The following PLA2G2E variants were observed in gnomAD, a reference collection of about 807,000 sequenced individuals.
PLA2G2E encodes phospholipase A2 group IIE.
PLA2G2E carries 14 observed loss-of-function variants against 16.5 expected under a neutral mutation model. The ratio of observed to expected loss-of-function variants is 0.85; its 90% confidence interval spans 0.56 to 1.33. The LOEUF is 1.33. PLA2G2E is among the 40% of genes most tolerant of loss of function. PLA2G2E has a pLI of 0.00. For missense variants in PLA2G2E, 174 were observed against 190.7 expected (o/e 0.91, Z 0.52); for synonymous variants, 72 against 77.2 (o/e 0.93, Z 0.36).
chr1:19,920,266 A>G lies in PLA2G2E; in HGVS notation c.*41T>C. 6.3e-7 allele frequency: 1 copy of G among 1,582,472 alleles called. No individual in the cohort carries two copies. The highest frequency in any genetic ancestry group is 2.2e-5 in the East Asian group (1 of 44,544). ...CCAGGCCTGGGACTACAGCAGCCCG[A>G]GGCGGGACCTCCAGGGACGGGGGGG... On this transcript the variant is annotated 3_prime_UTR_variant, in exon 4 of 4. Transcript: ENST00000375116. The surrounding 1 kb of genome is among the most constrained non-coding windows in gnomAD (Gnocchi z 4.3).
At position 19,920,484 on chromosome 1, in the gene PLA2G2E, G is replaced by C; in HGVS notation, c.287-35C>G. ...ACAAAGTGAGTCAGGGACCACAGAA[G>C]CTCAGGATATGTGTGGGACAGCTCT... On this transcript the variant is annotated intron_variant, in intron 3 of 3. Transcript: ENST00000375116. The surrounding 1 kb of genome is among the most constrained non-coding windows in gnomAD (Gnocchi z 4.3). 2 of 1,607,416 alleles carry C rather than the reference G, an allele frequency of 1.2e-6. No homozygotes were observed. Among genetic ancestry groups the C allele is most frequent in the Non-Finnish European group, 1.7e-6 (2 of 1,177,430 alleles).
chr1:19,921,401 T>A (rs901431613), intron 3 of PLA2G2E, among the ~76,000 whole-genome samples: 2 of 152,194 alleles, frequency 1.3e-5, no homozygotes, highest in African/African-American at 2.4e-5. Flanking sequence ...TTGTCCAAAG[T>A]CACAGGCAGG....
At chr1:19,923,383 C>G (rs749061898) in intron 1 of PLA2G2E, 137 bp downstream of exon 1, 2 of 730,926 alleles carry the variant, frequency 2.7e-6, no homozygotes, top group Non-Finnish European at 4.5e-6. Flanking sequence ...GCCTCAGGGT[C>G]ACCCTGGTGG....
chr1:19,921,733 C>G (rs1234600739), intron 3 of PLA2G2E, among the ~76,000 whole-genome samples: 3 of 152,226 alleles, frequency 2.0e-5, no homozygotes, highest in Admixed American at 6.5e-5. Flanking sequence ...GCTTGGCTCT[C>G]TCATGTGGGG....
At position 19,920,699 on chromosome 1, in the gene PLA2G2E, C is replaced by T. The variant is rs1212203635; in HGVS notation, c.287-250G>A. ...GCTCTCCCAAGCCCACGCTGACTGCCCTTAGCTCTCTCCGGCCTTAGGGAC... is the reference window on the plus strand; with the variant it reads ...GCTCTCCCAAGCCCACGCTGACTGCTCTTAGCTCTCTCCGGCCTTAGGGAC... On this transcript the variant is annotated intron_variant, in intron 3 of 3. Coordinates refer to ENST00000375116, the MANE Select transcript of PLA2G2E (RefSeq NM_014589.3). This position sits in a 1 kb window ranked among gnomAD's most constrained non-coding sequence, Gnocchi z 4.3. Among the ~76,000 whole-genome samples, 1 of 152,146 alleles carries T rather than the reference C, an allele frequency of 6.6e-6. No individual in the cohort carries two copies. The highest frequency in any genetic ancestry group is 1.5e-5 in the Non-Finnish European group (1 of 68,018).
At chr1:19,921,770 G>T (rs540950302) in intron 3 of PLA2G2E, among the ~76,000 whole-genome samples, 1 of 152,360 alleles carries the variant, frequency 6.6e-6, no homozygotes, top group South Asian at 2.1e-4. Context: ...CTTGGTTGAG[G>T]CTGCTTGCCT....
At chr1:19,921,422 C>T (rs1395094140) in intron 3 of PLA2G2E, among the ~76,000 whole-genome samples, 2 of 152,196 alleles carry the variant, frequency 1.3e-5, no homozygotes, top group Admixed American at 6.5e-5. Flanking sequence ...TGGAAGGTGA[C>T]GCCCTGGGTA....
chr1:19,920,854 G>A lies in PLA2G2E; in HGVS notation c.287-405C>T, dbSNP rs1396429882. On this transcript the variant is annotated intron_variant, in intron 3 of 3. Coordinates refer to ENST00000375116, the MANE Select transcript of PLA2G2E (RefSeq NM_014589.3). The surrounding 1 kb of genome is among the most constrained non-coding windows in gnomAD (Gnocchi z 4.3). ...CAGAGAGGACAGCTACGAAATGACA[G>A]CAACTCAATCTGATGGCTATGTGTG... is the stretch of plus-strand genomic sequence containing the variant. 1.3e-5 allele frequency among the ~76,000 whole-genome samples: 2 copies of A among 152,206 alleles called. No homozygotes were observed. Among genetic ancestry groups the A allele is most frequent in the African/African-American group, 4.8e-5 (2 of 41,446 alleles).
rs777548405 is a variant in PLA2G2E at position 19,920,384 on chromosome 1, G to A, written c.352C>T (p.Arg118Cys). The change falls in exon 4 of 4, where the codon CGC becomes TGC. Residue 118 changes from arginine (R) to cysteine (C), a missense_variant. Arg to Cys is a radical substitution (Grantham distance 180). Coordinates refer to ENST00000375116, the MANE Select transcript of PLA2G2E (RefSeq NM_014589.3). The surrounding 1 kb of genome is among the most constrained non-coding windows in gnomAD (Gnocchi z 4.3). Reference protein sequence around the residue: ...CDKRAALCFRRNLGTYNRKYA... With the variant: ...CDKRAALCFRCNLGTYNRKYA... ...TTGCGGTTGTAGGTGCCCAGGTTGC[G>A]GCGAAAGCAGAGGGCAGCCCTCTTG... is the stretch of plus-strand genomic sequence containing the variant. The A allele has an allele frequency of 1.2e-5, 20 of 1,613,752 alleles. No individual in the cohort carries two copies. The highest frequency in any genetic ancestry group is 1.4e-5 in the Non-Finnish European group (17 of 1,179,836).
chr1:19,920,811 C>T lies in PLA2G2E; in HGVS notation c.287-362G>A, dbSNP rs1157490182. ...CCCCTGTGTGATGCGTTGCTGATGG[C>T]GGATTGTGGCCATCAAGCAGAGAGG... On this transcript the variant is annotated intron_variant, in intron 3 of 3. Transcript: ENST00000375116. The surrounding 1 kb of genome is among the most constrained non-coding windows in gnomAD (Gnocchi z 4.3). Among the ~76,000 whole-genome samples, 1 of 152,136 alleles carries T rather than the reference C, an allele frequency of 6.6e-6. No homozygotes were observed. The highest frequency in any genetic ancestry group is 2.4e-5 in the African/African-American group (1 of 41,430).
rs1571198082 is a variant in PLA2G2E, at chr1:19,920,988, C to T, written c.287-539G>A. Among the ~76,000 whole-genome samples, 2 of 152,214 alleles carry T rather than the reference C, an allele frequency of 1.3e-5. No homozygotes were observed. Among genetic ancestry groups the T allele is most frequent in the Admixed American group, 1.3e-4 (2 of 15,288 alleles). The stretch of plus-strand genomic sequence containing the variant: ...AGTGGACAGAGCCCAGTTTTCTGCC[C>T]ATACCCAGCCTGGGAGTCAGACTTC... On this transcript the variant is annotated intron_variant, in intron 3 of 3. Coordinates refer to ENST00000375116, the MANE Select transcript of PLA2G2E (RefSeq NM_014589.3). This position sits in a 1 kb window ranked among gnomAD's most constrained non-coding sequence, Gnocchi z 4.3.
intron 1 of PLA2G2E, among the ~76,000 whole-genome samples, 154 bp from the exon 2 acceptor site, chr1:19,922,909 A>G (rs1321959376): frequency 6.6e-6 from 1 of 152,070 alleles, no homozygotes; most frequent in Non-Finnish European, 1.5e-5. Context: ...CAACCGTGGT[A>G]ATAAGTAATA....
Position 19,920,869 on chromosome 1 carries a change from G to A in PLA2G2E, c.287-420C>T, listed in dbSNP as rs1306355417. Among the ~76,000 whole-genome samples, 1 of 152,194 alleles carries A rather than the reference G, an allele frequency of 6.6e-6. No individual in the cohort carries two copies. The highest frequency in any genetic ancestry group is 6.5e-5 in the Admixed American group (1 of 15,286). On this transcript the variant is annotated intron_variant, in intron 3 of 3. Coordinates refer to ENST00000375116, the MANE Select transcript of PLA2G2E (RefSeq NM_014589.3). This position sits in a 1 kb window ranked among gnomAD's most constrained non-coding sequence, Gnocchi z 4.3. ...CGAAATGACAGCAACTCAATCTGAT[G>A]GCTATGTGTGCCCCAGAGTGGCGTG...
rs887592251 is a variant in PLA2G2E at position 19,920,188 on chromosome 1, G to A, written c.*119C>T. On this transcript the variant is annotated 3_prime_UTR_variant, in exon 4 of 4. Transcript: ENST00000375116. The surrounding 1 kb of genome is among the most constrained non-coding windows in gnomAD (Gnocchi z 4.3). The stretch of plus-strand genomic sequence containing the variant: ...TATCTCTGAGCTCTCAAGGAGGGAT[G>A]AGTTTGCAGGAAAGGAATTTTCCAA... 2 of 799,752 alleles carry A rather than the reference G, an allele frequency of 2.5e-6. No homozygotes were observed. The highest frequency in any genetic ancestry group is 1.7e-5 in the African/African-American group (1 of 58,282). 49.5% of individuals were successfully genotyped at this position (799,752 alleles called of 1,614,324 possible).
chr1:19,923,449 G>T (rs542458337), intron 1 of PLA2G2E, 71 bp downstream of exon 1: 3 of 1,351,128 alleles, frequency 2.2e-6, no homozygotes, highest in Non-Finnish European at 3.1e-6. Context: ...GTAGGGCCAG[G>T]CTCAGGGGCA....
chr1:19,922,349 G>T lies in PLA2G2E; in HGVS notation c.235C>A (p.Pro79Thr). 1 of 1,614,022 alleles carries T rather than the reference G, an allele frequency of 6.2e-7. No homozygotes were observed. Among genetic ancestry groups the T allele is most frequent in the Non-Finnish European group, 8.5e-7 (1 of 1,179,944 alleles). The stretch of plus-strand genomic sequence containing the variant: ...GAGAAAAGATACTTTTCCAGTTTGG[G>T]CTCACAGCCCAGCTTCTCCAGACGC... ...YGRLEKLGCE[P>T]KLEKYLFSVS... Residue 79 changes from proline (P) to threonine (T), a missense_variant, in exon 3 of 4, where the codon CCC (proline) becomes ACC (threonine). By Grantham distance (38) the Pro-to-Thr change is conservative. Transcript: ENST00000375116.
rs147846234 is a variant in PLA2G2E, at chr1:19,920,428, C to T, written c.308G>A (p.Arg103Gln). 4.3e-6 allele frequency: 7 copies of T among 1,613,696 alleles called. No homozygotes were observed. The highest frequency in any genetic ancestry group is 2.7e-5 in the African/African-American group (2 of 74,934). Residue 103 changes from arginine (R) to glutamine (Q), a missense_variant, in exon 4 of 4, where the codon CGG (arginine) becomes CAG (glutamine). Transcript: ENST00000375116. This position sits in a 1 kb window ranked among gnomAD's most constrained non-coding sequence, Gnocchi z 4.3. ...CCTCTTGTCACACTCGCAGGTCAGC[C>T]GCTGGCAGGTGGTCCTGCCGGCTGG... ...IFCAGRTTCQ[R>Q]LTCECDKRAA...
rs762498788 is a variant in PLA2G2E at position 19,920,725 on chromosome 1, A to G, written c.287-276T>C. Among the ~76,000 whole-genome samples the G allele has an allele frequency of 7.2e-5, 11 of 152,118 alleles. No homozygotes were observed. The highest frequency in any genetic ancestry group is 1.5e-4 in the Non-Finnish European group (10 of 68,014). On this transcript the variant is annotated intron_variant, in intron 3 of 3. Coordinates refer to ENST00000375116, the MANE Select transcript of PLA2G2E (RefSeq NM_014589.3). The surrounding 1 kb of genome is among the most constrained non-coding windows in gnomAD (Gnocchi z 4.3). ...CTTAGCTCTCTCCGGCCTTAGGGAC[A>G]CCACGTGGTTCCCTAACTCTCACTG... is the stretch of plus-strand genomic sequence containing the variant.
At chr1:19,923,259 G>A (rs1226291315) in intron 1 of PLA2G2E, among the ~76,000 whole-genome samples, 3 of 152,226 alleles carry the variant, frequency 2.0e-5, no homozygotes, top group Admixed American at 6.5e-5. Flanking sequence ...GATAGGAGAA[G>A]GAGCCTAGGG....
Sources: gnomAD v4.1 joint callset for allele counts (sites outside exome capture counted in the v4.1 genomes callset) on GRCh38, gnomAD v4.1.1 for gene constraint, Gnocchi (gnomAD v3.1) non-coding constraint, MANE v1.5 for transcripts, NCBI Gene and HGNC (gene_info 2026-07-23, HGNC 2026-07-21) for gene names.